The following HCN2 variants were observed in gnomAD, a reference collection of about 807,000 sequenced individuals.
HCN2 encodes the protein potassium/sodium hyperpolarization-activated cyclic nucleotide-gated channel 2.
In HCN2, 20 loss-of-function variants were observed where a neutral mutation model predicts 52.3. That is an observed-to-expected ratio of 0.38 (90% confidence interval 0.27 to 0.56). HCN2 has a LOEUF of 0.56. Ranked by LOEUF, HCN2 falls within the 20% of genes least tolerant of loss-of-function variation. The pLI, the probability that HCN2 is intolerant of heterozygous loss-of-function variation, is 0.71. For synonymous variants in HCN2, 694 were observed against 537.0 expected, an observed-to-expected ratio of 1.29 and a Z score of -4.04; for missense variants, 981 against 1,207.7, an observed-to-expected ratio of 0.81 and a Z score of 2.78.
chr19:590,890 G>T lies in HCN2; in HGVS notation c.632+313G>T. 1 of 196,912 alleles carries T rather than the reference G, an allele frequency of 5.1e-6. No homozygotes were observed. Among genetic ancestry groups the T allele is most frequent in the Non-Finnish European group, 1.0e-5 (1 of 97,436 alleles). The allele number at this position is 196,912 out of a possible 1,614,324, so 12.2% of individuals were successfully genotyped here. A position where few individuals can be genotyped will look rare whatever the true frequency, so the allele number is the denominator to read the frequency against. On this transcript the variant is annotated intron_variant, in intron 1 of 7. Coordinates refer to ENST00000251287, the MANE Select transcript of HCN2 (RefSeq NM_001194.4). The surrounding 1 kb of genome is among the most constrained non-coding windows in gnomAD (Gnocchi z 7.2). ...CTGAGCGCAGAGGGGCAGAGAGGAC[G>T]AATAGAGGGGAACGTGGGCCCCAGA... is the stretch of plus-strand genomic sequence containing the variant.
chr19:609,263 G>A (rs995485772), intron 4 of HCN2, among the ~76,000 whole-genome samples: 3 of 152,212 alleles, frequency 2.0e-5, no homozygotes, highest in Non-Finnish European at 2.9e-5. Flanking sequence ...GGGGGGCACC[G>A]TCCTGGGGAC....
At position 589,993 on chromosome 19, in the gene HCN2, G is replaced by T. The variant is rs2144498655; in HGVS notation, c.48G>T (p.Ala16=). The change falls in exon 1 of 8, where the codon GCG becomes GCT. Residue 16 remains alanine, a synonymous_variant. Transcript: ENST00000251287. ...GGGRPGESPG[A]TPAPGPPPPP... ...GGCGGCCCGGGGAGAGCCCGGGCGC[G>T]ACCCCCGCGCCGGGGCCGCCGCCGC... The T allele has an allele frequency of 2.7e-6, 2 of 731,362 alleles. No individual in the cohort carries two copies. Among genetic ancestry groups the T allele is most frequent in the South Asian group, 1.3e-4 (2 of 15,380 alleles). 45.3% of individuals were successfully genotyped at this position (731,362 alleles called of 1,614,324 possible).
chr19:590,488 G>C lies in HCN2; in HGVS notation c.543G>C (p.Arg181=), dbSNP rs748698299. The C allele has an allele frequency of 6.6e-7, 1 of 1,524,786 alleles. No homozygotes were observed. The highest frequency in any genetic ancestry group is 1.9e-5 in the Admixed American group (1 of 52,952). The allele number at this position is 1,524,786 out of a possible 1,614,324, so 94.5% of individuals were successfully genotyped here. A position where few individuals can be genotyped will look rare whatever the true frequency, so the allele number is the denominator to read the frequency against. The change falls in exon 1 of 8, where the codon CGG becomes CGC. Residue 181 remains arginine, a synonymous_variant. Transcript: ENST00000251287. This position sits in a 1 kb window ranked among gnomAD's most constrained non-coding sequence, Gnocchi z 7.2. Reference sequence around the variant, plus strand: ...CGGGCGTCAACAAGTTCTCGCTGCGGATGTTCGGCAGCCAGAAGGCCGTGG... The same window carrying C: ...CGGGCGTCAACAAGTTCTCGCTGCGCATGTTCGGCAGCCAGAAGGCCGTGG... ...LQPGVNKFSL[R]MFGSQKAVER...
At chr19:611,669 C>T (rs954130394) in intron 5 of HCN2, among the ~76,000 whole-genome samples, 1 of 152,144 alleles carries the variant, frequency 6.6e-6, no homozygotes, top group Non-Finnish European at 1.5e-5. Context: ...GCATAAAATG[C>T]GGTGGCTTTT....
chr19:605,348 C>T (rs951737057), intron 3 of HCN2, 126 bp downstream of exon 3: 2 of 715,496 alleles, frequency 2.8e-6, no homozygotes, highest in East Asian at 3.1e-5. Context: ...CCCAGGCGCC[C>T]CCTTATGGAG....
At chr19:607,307 C>G (rs1276542571) in intron 3 of HCN2, among the ~76,000 whole-genome samples, 1 of 152,254 alleles carries the variant, frequency 6.6e-6, no homozygotes, top group South Asian at 2.1e-4. Flanking sequence ...GAGCCTTTGT[C>G]CCTGCCTGGG....
intron 1 of HCN2, among the ~76,000 whole-genome samples, chr19:599,705 G>A (rs1429361404): frequency 1.3e-5 from 2 of 152,036 alleles, no homozygotes; most frequent in East Asian, 1.9e-4. Flanking sequence ...AGAGAATGGT[G>A]TGAACCCTGG....
Position 590,673 on chromosome 19 carries a change from G to T in HCN2, c.632+96G>T, listed in dbSNP as rs1056777521. ...GAGCGCCTGGGGAGGGCGGGGCGGCGCGCCGGGCCGGTGACCTCGGGGCTC... is the reference window on the plus strand; with the variant it reads ...GAGCGCCTGGGGAGGGCGGGGCGGCTCGCCGGGCCGGTGACCTCGGGGCTC... On this transcript the variant is annotated intron_variant, in intron 1 of 7. Coordinates refer to ENST00000251287, the MANE Select transcript of HCN2 (RefSeq NM_001194.4). The surrounding 1 kb of genome is among the most constrained non-coding windows in gnomAD (Gnocchi z 7.2). The T allele has an allele frequency of 2.0e-6, 2 of 1,014,208 alleles. No individual in the cohort carries two copies. The highest frequency in any genetic ancestry group is 3.4e-5 in the African/African-American group (2 of 58,702). The allele number at this position is 1,014,208 out of a possible 1,614,324, so 62.8% of individuals were successfully genotyped here.
At chr19:613,727 C>CCGGCA in intron 6 of HCN2, 125 bp from the exon 7 acceptor site, 31 of 1,090,404 alleles carry the variant, frequency 2.8e-5, no homozygotes, top group Non-Finnish European at 3.0e-5. Flanking sequence ...GGGGCCGGCA[C>CCGGCA]CAGGGAGAGC....
At chr19:609,534 G>A (rs1315013088) in intron 4 of HCN2, among the ~76,000 whole-genome samples, 1 of 152,258 alleles carries the variant, frequency 6.6e-6, no homozygotes, top group Non-Finnish European at 1.5e-5. Context: ...GGGAGGCCGA[G>A]ACAGGCCGAT....
At position 591,113 on chromosome 19, in the gene HCN2, C is replaced by T. The variant is rs1178381675; in HGVS notation, c.632+536C>T. On this transcript the variant is annotated intron_variant, in intron 1 of 7. Transcript: ENST00000251287. This position sits in a 1 kb window ranked among gnomAD's most constrained non-coding sequence, Gnocchi z 4.1. The stretch of plus-strand genomic sequence containing the variant: ...TCCCCGGGAGCCGCTCCACCCGAGC[C>T]GCGGGCGGTGCGCGCATGCGGCGGT... The T allele has an allele frequency of 1.3e-5, 2 of 151,954 alleles. No individual in the cohort carries two copies. Among genetic ancestry groups the T allele is most frequent in the Admixed American group, 6.5e-5 (1 of 15,274 alleles). 9.4% of individuals were successfully genotyped at this position (151,954 alleles called of 1,614,324 possible).
At chr19:599,141 G>A (rs1160080383) in intron 1 of HCN2, among the ~76,000 whole-genome samples, 2 of 152,264 alleles carry the variant, frequency 1.3e-5, no homozygotes, top group African/African-American at 4.8e-5. Flanking sequence ...TTTGGCTCTT[G>A]CAGACCGAGC....
intron 2 of HCN2, 51 bp from the exon 3 acceptor site, chr19:605,010 G>A: frequency 6.4e-7 from 1 of 1,566,350 alleles, no homozygotes; most frequent in South Asian, 1.1e-5. Flanking sequence ...GGCTCTGAAG[G>A]TGGGGGCCGG....
chr19:593,556 G>A lies in HCN2; in HGVS notation c.632+2979G>A, dbSNP rs143063425. Among the ~76,000 whole-genome samples, 1,146 of 152,306 alleles carry A rather than the reference G, an allele frequency of 7.5e-3. 78 individuals carry two copies. In the East Asian group the frequency reaches 0.14, roughly 19 times the overall value. On this transcript the variant is annotated intron_variant, in intron 1 of 7. Coordinates refer to ENST00000251287, the MANE Select transcript of HCN2 (RefSeq NM_001194.4). The stretch of plus-strand genomic sequence containing the variant: ...AATCACTTGAATCCAGGAGGCAGAG[G>A]TTGCAGTGAGCCGAGATCGCGCTGC...
chr19:605,163 C>T lies in HCN2; in HGVS notation c.1159C>T (p.Leu387=). ...LCHWDGCLQF[L]VPMLQDFPRN... is the part of the protein sequence containing the mutation. Reference sequence around the variant, plus strand: ...CCACTGGGACGGCTGCCTGCAGTTCCTGGTGCCTATGCTGCAGGACTTCCC... The same window carrying T: ...CCACTGGGACGGCTGCCTGCAGTTCTTGGTGCCTATGCTGCAGGACTTCCC... The change falls in exon 3 of 8, where the codon CTG becomes TTG. Residue 387 remains leucine (L), a synonymous_variant. Transcript: ENST00000251287. 3 of 1,611,558 alleles carry T rather than the reference C, an allele frequency of 1.9e-6. No individual in the cohort carries two copies. Among genetic ancestry groups the T allele is most frequent in the Admixed American group, 1.7e-5 (1 of 59,982 alleles).
chr19:595,471 C>T (rs909873082), intron 1 of HCN2, among the ~76,000 whole-genome samples: 5 of 152,066 alleles, frequency 3.3e-5, no homozygotes, highest in Non-Finnish European at 7.4e-5. Flanking sequence ...CCCCTGGTCC[C>T]GAGGCCGCCC....
chr19:600,573 T>C (rs72974103), intron 1 of HCN2, among the ~76,000 whole-genome samples: 18,388 of 151,796 alleles, frequency 0.12, 1,412 homozygotes, highest in Admixed American at 0.23. Context: ...TCCTGATCTC[T>C]TGACCTCATG....
intron 7 of HCN2, 40 bp downstream of exon 7, chr19:614,056 CG>C (rs773264292): frequency 7.8e-7 from 1 of 1,285,958 alleles, no homozygotes; most frequent in Non-Finnish European, 1.0e-6. Context: ...GGTGCCCTGG[CG>C]GGGGAGGGGC....
Position 602,288 on chromosome 19 carries a change from C to T in HCN2, c.633-1256C>T, listed in dbSNP as rs111838513. Among the ~76,000 whole-genome samples the T allele has an allele frequency of 2.0e-3, 104 of 50,734 alleles. 1 individual carries two copies. Among genetic ancestry groups the T allele is most frequent in the African/African-American group, 5.2e-3 (47 of 9,074 alleles). The allele number at this position is 50,734 out of a possible 152,430, so 33.3% of individuals were successfully genotyped here. On this transcript the variant is annotated intron_variant, in intron 1 of 7. Coordinates refer to ENST00000251287, the MANE Select transcript of HCN2 (RefSeq NM_001194.4). ...TCTCCTCCTGCGTGGACGCCCCACT[C>T]CCTCCTCTCTCCTCCTGCGTGGACG...
Sources: gnomAD v4.1 joint callset for allele counts (sites outside exome capture counted in the v4.1 genomes callset) on GRCh38, gnomAD v4.1.1 for gene constraint, Gnocchi (gnomAD v3.1) non-coding constraint, MANE v1.5 for transcripts, NCBI Gene and HGNC (gene_info 2026-07-23, HGNC 2026-07-21) for gene names.